Variants in B4GALNT3 observed in about 807,000 individuals in gnomAD.
B4GALNT3 encodes beta-1,4-N-acetylgalactosaminyltransferase 3.
Under a neutral mutation model 120.2 loss-of-function variants are expected in B4GALNT3, and 86 were observed. The ratio of observed to expected loss-of-function variants is 0.72; its 90% CI spans 0.60 to 0.86. The LOEUF (loss-of-function observed/expected upper bound fraction) is 0.86. Among genes scored for constraint, B4GALNT3 ranks in the 40% least tolerant of loss-of-function variants. B4GALNT3 has a pLI of 0.00. For synonymous variants in B4GALNT3, 518 were observed against 510.4 expected (o/e 1.01, Z -0.20); for missense variants, 1,167 against 1,298.9 (o/e 0.90, Z 1.56).
intron 1 of B4GALNT3, among the ~76,000 whole-genome samples, chr12:483,840 T>C (rs1946264365): frequency 6.6e-6 from 1 of 152,200 alleles, no homozygotes; most frequent in Non-Finnish European, 1.5e-5. Flanking sequence ...AGTTTCATGG[T>C]GAATCTTCTT....
chr12:500,864 G>GTTTTTTTTTTT (rs1565594758), intron 1 of B4GALNT3, among the ~76,000 whole-genome samples: 5 of 16,746 alleles, frequency 3.0e-4, no homozygotes, highest in Admixed American at 5.4e-4. Context: ...TGGCTCCACT[G>GTTTTTTTTTTT]CTTTTTTTTT....
At chr12:499,712 C>T (rs186965320) in intron 1 of B4GALNT3, among the ~76,000 whole-genome samples, 313 of 152,324 alleles carry the variant, frequency 2.1e-3, no homozygotes, top group African/African-American at 6.7e-3. Flanking sequence ...ACAGTCCTAG[C>T]CCGTGGTAGG....
At chr12:530,887 A>G (rs1398944657) in intron 1 of B4GALNT3, among the ~76,000 whole-genome samples, 1 of 152,132 alleles carries the variant, frequency 6.6e-6, no homozygotes, top group Admixed American at 6.5e-5. Context: ...CAGCTTTGTG[A>G]GGGCAGAATA....
At chr12:536,722 C>T (rs1946864614) in intron 3 of B4GALNT3, among the ~76,000 whole-genome samples, 1 of 152,170 alleles carries the variant, frequency 6.6e-6, no homozygotes, top group African/African-American at 2.4e-5. Flanking sequence ...AAGGAACAAT[C>T]ACATTTGCCA....
chr12:507,037 C>G (rs1316676279), intron 1 of B4GALNT3, among the ~76,000 whole-genome samples: 1 of 152,204 alleles, frequency 6.6e-6, no homozygotes, highest in African/African-American at 2.4e-5. Context: ...CACCCAGTTT[C>G]CTCTATTATT....
rs144407504 is a variant in B4GALNT3, at chr12:525,328, C to T, written c.170-9838C>T. On this transcript the variant is annotated intron_variant, in intron 1 of 19. Coordinates refer to ENST00000266383, the MANE Select transcript of B4GALNT3 (RefSeq NM_173593.4). ...TTCACCATGTTGGTCAGGCTGGTCT[C>T]GAACTCCTGACCTCAGGTCATCCGC... is the stretch of plus-strand genomic sequence containing the variant. Among the ~76,000 whole-genome samples, 1,468 of 152,212 alleles carry T rather than the reference C, an allele frequency of 9.6e-3. 52 individuals carry two copies. The highest frequency in any genetic ancestry group is 0.074 in the East Asian group (382 of 5,168).
At chr12:535,305 C>G in intron 2 of B4GALNT3, 36 bp downstream of exon 2, 1 of 1,579,506 alleles carries the variant, frequency 6.3e-7, no homozygotes, top group South Asian at 1.1e-5. Context: ...CCTGCTGATG[C>G]CTTAACAAAG....
intron 19 of B4GALNT3, among the ~76,000 whole-genome samples, chr12:560,673 T>C (rs1947218754): frequency 1.3e-5 from 2 of 152,282 alleles, no homozygotes; most frequent in South Asian, 4.2e-4. Context: ...AAGCCTTGAT[T>C]TGGGAAGCCG....
At chr12:476,824 A>G (rs1946190465) in intron 1 of B4GALNT3, among the ~76,000 whole-genome samples, 1 of 152,220 alleles carries the variant, frequency 6.6e-6, no homozygotes, top group Non-Finnish European at 1.5e-5. Flanking sequence ...GCAGACATGG[A>G]AGAAAACCAA....
rs778773667 is a variant in B4GALNT3 at position 559,298 on chromosome 12, A to T, written c.2765A>T (p.Tyr922Phe). 8.1e-6 allele frequency: 13 copies of T among 1,613,692 alleles called. No individual in the cohort carries two copies. The highest frequency in any genetic ancestry group is 6.8e-6 in the Non-Finnish European group (8 of 1,179,746). Reference protein sequence around the residue: ...CGATPQWPEGYWEVNGFGLLG... With the variant: ...CGATPQWPEGFWEVNGFGLLG... ...CGAAGCTCCTGTCTGTCCACAGGCT[A>T]CTGGGAGGTGAATGGGTTCGGGCTG... Residue 922 changes from tyrosine (Y) to phenylalanine (F), a missense_variant, in exon 19 of 20, where the codon TAC becomes TTC. Physicochemically the swap from Tyr to Phe is conservative, Grantham distance 22. Transcript: ENST00000266383.
intron 1 of B4GALNT3, among the ~76,000 whole-genome samples, chr12:512,190 TCCGC>T (rs202062782): frequency 1.1e-4 from 9 of 85,596 alleles, no homozygotes; most frequent in African/African-American, 3.8e-4. Context: ...CCTTCCACCT[TCCGC>T]CTTCCACCTT....
At chr12:559,211 C>A in intron 18 of B4GALNT3, 84 bp from the exon 19 acceptor site, 1 of 1,568,182 alleles carries the variant, frequency 6.4e-7, no homozygotes, top group Non-Finnish European at 8.7e-7. Flanking sequence ...TCAGAAGAGC[C>A]TCTAGGCACA....
At chr12:512,201 C>CCTT (rs1393196132) in intron 1 of B4GALNT3, among the ~76,000 whole-genome samples, 2 of 72,284 alleles carry the variant, frequency 2.8e-5, no homozygotes, top group African/African-American at 7.7e-5. Flanking sequence ...CCGCCTTCCA[C>CCTT]CTTCCACCTT....
intron 1 of B4GALNT3, among the ~76,000 whole-genome samples, chr12:494,652 A>G (rs896477795): frequency 5.9e-5 from 9 of 152,178 alleles, no homozygotes; most frequent in South Asian, 2.1e-4. Flanking sequence ...AGACCCGTGT[A>G]GTACTGGACG....
In B4GALNT3 at chr12:563,421, A is replaced by G. The variant is rs1005631520; in HGVS notation, c.*1970A>G. The stretch of plus-strand genomic sequence containing the variant: ...AGAGGAAGGGCCGGGCAAGGCCCCT[A>G]CTCCCTAGAGAAATGTCTTGGGTAG... On this transcript the variant is annotated 3_prime_UTR_variant, in exon 20 of 20. Coordinates refer to ENST00000266383, the MANE Select transcript of B4GALNT3 (RefSeq NM_173593.4). 8 of 151,866 alleles carry G rather than the reference A, an allele frequency of 5.3e-5. No individual in the cohort carries two copies. The highest frequency in any genetic ancestry group is 1.5e-4 in the African/African-American group (6 of 41,282). The allele number at this position is 151,866 out of a possible 1,614,324, so 9.4% of individuals were successfully genotyped here.
At chr12:519,597 C>CTTTT (rs33954082) in intron 1 of B4GALNT3, among the ~76,000 whole-genome samples, 7 of 134,180 alleles carry the variant, frequency 5.2e-5, no homozygotes, top group South Asian at 2.4e-4. Flanking sequence ...TTCCTTTCTG[C>CTTTT]TTTTTTTTTT....
chr12:470,999 G>A (rs925615007), intron 1 of B4GALNT3, among the ~76,000 whole-genome samples: 14 of 151,998 alleles, frequency 9.2e-5, no homozygotes, highest in Non-Finnish European at 1.9e-4. Context: ...AAAGTGCTGG[G>A]ATTACAGGCG....
rs139720314 is a variant in B4GALNT3, at chr12:517,211, G to A, written c.170-17955G>A. ...CAAAAAACCTGCTGAGATCAGCAAG[G>A]CAGCAGTGTTGATGGCAAAGACAAA... On this transcript the variant is annotated intron_variant, in intron 1 of 19. Transcript: ENST00000266383. Among the ~76,000 whole-genome samples, 266 of 152,306 alleles carry A rather than the reference G, an allele frequency of 1.7e-3. 1 individual carries two copies. Among genetic ancestry groups the A allele is most frequent in the African/African-American group, 6.1e-3 (253 of 41,566 alleles).
chr12:499,892 G>A (rs1430407139), intron 1 of B4GALNT3, among the ~76,000 whole-genome samples: 2 of 152,206 alleles, frequency 1.3e-5, no homozygotes, highest in African/African-American at 4.8e-5. Flanking sequence ...AGTTTTAAAT[G>A]TTGGCTCAAA....
Sources: gnomAD v4.1 joint callset for allele counts (sites outside exome capture counted in the v4.1 genomes callset) on GRCh38, gnomAD v4.1.1 for gene constraint, MANE v1.5 for transcripts, NCBI Gene and HGNC (gene_info 2026-07-23, HGNC 2026-07-21) for gene names.